Variants in NEK10 observed in about 807,000 individuals in gnomAD.
The protein encoded by NEK10 is serine/threonine-protein kinase Nek10.
In NEK10, 122 loss-of-function variants were observed where a neutral mutation model predicts 159.8. That is an observed-to-expected ratio of 0.76 (90% CI 0.66 to 0.89). The LOEUF (loss-of-function observed/expected upper bound fraction) is 0.89. Ranked by LOEUF, NEK10 falls within the 40% of genes least tolerant of loss-of-function variation. The probability of loss-of-function intolerance (pLI) is 0.00; values close to 1 mark genes in which losing one functional copy is unlikely to be tolerated. For missense variants in NEK10, 1,342 were observed against 1,323.1 expected (o/e 1.01, Z -0.22); for synonymous variants, 466 against 457.1 (o/e 1.02, Z -0.25).
intron 15 of NEK10, among the ~76,000 whole-genome samples, chr3:27,294,772 GA>G (rs960764326): frequency 8.0e-5 from 12 of 150,238 alleles, no homozygotes; most frequent in South Asian, 2.1e-4. Flanking sequence ...TGACTTGGGG[GA>G]AAAAAAAAGA....
intron 26 of NEK10, among the ~76,000 whole-genome samples, chr3:27,190,728 G>C (rs920648351): frequency 6.6e-6 from 1 of 152,130 alleles, no homozygotes; most frequent in Non-Finnish European, 1.5e-5. Context: ...AAGATATATA[G>C]AAATAGCTAA....
chr3:27,302,734 A>G (rs28620417), intron 12 of NEK10, among the ~76,000 whole-genome samples: 7,004 of 152,178 alleles, frequency 0.046, 287 homozygotes, highest in African/African-American at 0.11. Flanking sequence ...ACATGGATGG[A>G]GTTTCCTTGA....
chr3:27,123,997 T>C (rs148070472), intron 32 of NEK10, among the ~76,000 whole-genome samples: 27 of 152,182 alleles, frequency 1.8e-4, no homozygotes, highest in African/African-American at 6.3e-4. Context: ...ACTGAGTTCC[T>C]TGAAGGATTT....
In NEK10 at chr3:27,307,982, T is replaced by A. The variant is rs527268115; in HGVS notation, c.717-37A>T. The A allele has an allele frequency of 9.9e-6, 10 of 1,013,920 alleles. No individual in the cohort carries two copies. In the African/African-American group the frequency reaches 1.4e-4, roughly 14 times the overall value. 62.8% of individuals were successfully genotyped at this position (1,013,920 alleles called of 1,614,324 possible). A position where few individuals can be genotyped will look rare whatever the true frequency, so the allele number is the denominator to read the frequency against. ...AAAATATTAGCAATTACTAAAAGCATATTTTGCTAGATCCATGTATTAGTC... is the reference window on the plus strand; with the variant it reads ...AAAATATTAGCAATTACTAAAAGCAAATTTTGCTAGATCCATGTATTAGTC... On this transcript the variant is annotated intron_variant, in intron 10 of 35. Coordinates refer to ENST00000691995, the MANE Select transcript of NEK10 (RefSeq NM_001394966.1).
chr3:27,337,264 C>CA (rs1377557194), intron 5 of NEK10, among the ~76,000 whole-genome samples: 2 of 151,854 alleles, frequency 1.3e-5, no homozygotes, highest in Non-Finnish European at 2.9e-5. Flanking sequence ...ATAATGTGAC[C>CA]AACGAGGTAA....
intron 23 of NEK10, among the ~76,000 whole-genome samples, chr3:27,248,552 T>G (rs1955329521): frequency 6.6e-6 from 1 of 152,184 alleles, no homozygotes; most frequent in African/African-American, 2.4e-5. Context: ...TTTGGTATGT[T>G]GTGTTTCCAT....
intron 22 of NEK10, among the ~76,000 whole-genome samples, chr3:27,280,195 A>G (rs1166696636): frequency 6.6e-6 from 1 of 151,148 alleles, no homozygotes; most frequent in Non-Finnish European, 1.5e-5. Flanking sequence ...ACAACAGAGG[A>G]TGAGATATTC....
At chr3:27,150,605 A>T (rs1232489023) in intron 30 of NEK10, among the ~76,000 whole-genome samples, 2 of 152,202 alleles carry the variant, frequency 1.3e-5, no homozygotes, top group Non-Finnish European at 2.9e-5. Flanking sequence ...CAAAATATTG[A>T]TGTTCTTTGA....
chr3:27,132,964 C>G (rs1200083501), intron 31 of NEK10, among the ~76,000 whole-genome samples: 2 of 152,142 alleles, frequency 1.3e-5, no homozygotes, highest in African/African-American at 2.4e-5. Flanking sequence ...ATAATTATTA[C>G]CCCAACCCTG....
At chr3:27,331,262 A>AAAAAAAAAAAAACACAC in intron 5 of NEK10, among the ~76,000 whole-genome samples, 3 of 110,142 alleles carry the variant, frequency 2.7e-5, no homozygotes, top group African/African-American at 8.7e-5. Context: ...AAAAAAAAAA[A>AAAAAAAAAAAAACACAC]ACACACAAAC....
At chr3:27,238,197 T>C (rs573728970) in intron 23 of NEK10, among the ~76,000 whole-genome samples, 11 of 152,234 alleles carry the variant, frequency 7.2e-5, no homozygotes, top group African/African-American at 2.6e-4. Flanking sequence ...AAAAAGGAGA[T>C]TGGCTGAATG....
Position 27,116,058 on chromosome 3 carries a change from C to T in NEK10, c.3243+17G>A, listed in dbSNP as rs1039832213. The T allele has an allele frequency of 1.9e-6, 3 of 1,613,084 alleles. No individual in the cohort carries two copies. Among genetic ancestry groups the T allele is most frequent in the Admixed American group, 3.3e-5 (2 of 59,974 alleles). On this transcript the variant is annotated intron_variant, in intron 34 of 35. Coordinates refer to ENST00000691995, the MANE Select transcript of NEK10 (RefSeq NM_001394966.1). ...GTAACAAAATAAAATCATTCAGAGA[C>T]ACTGCAAAAACCTCACCTGCATCTG...
At chr3:27,130,764 G>A (rs1377236299) in intron 32 of NEK10, among the ~76,000 whole-genome samples, 1 of 152,138 alleles carries the variant, frequency 6.6e-6, no homozygotes, top group Non-Finnish European at 1.5e-5. Context: ...TTAAAAATGT[G>A]TTTATTATGA....
intron 32 of NEK10, among the ~76,000 whole-genome samples, chr3:27,122,965 A>G (rs543571999): frequency 6.6e-6 from 1 of 152,296 alleles, no homozygotes; most frequent in East Asian, 1.9e-4. Flanking sequence ...CGGCACACGG[A>G]TGAAGGCAAG....
intron 35 of NEK10, among the ~76,000 whole-genome samples, chr3:27,114,066 T>C (rs1299475117): frequency 6.6e-6 from 1 of 152,200 alleles, no homozygotes; most frequent in East Asian, 1.9e-4. Context: ...TAATTTATCA[T>C]ACAACCATGC....
intron 25 of NEK10, among the ~76,000 whole-genome samples, chr3:27,192,448 C>T (rs907685460): frequency 4.6e-5 from 7 of 152,122 alleles, no homozygotes; most frequent in Admixed American, 2.6e-4. Flanking sequence ...AAGGAGTCAG[C>T]GTTATTCTCT....
intron 13 of NEK10, among the ~76,000 whole-genome samples, chr3:27,299,078 C>A (rs1399199787): frequency 6.6e-6 from 1 of 152,168 alleles, no homozygotes; most frequent in Non-Finnish European, 1.5e-5. Flanking sequence ...CAAATGTTAA[C>A]CCCCAAAACA....
At chr3:27,300,876 T>C (rs1367269853) in intron 13 of NEK10, among the ~76,000 whole-genome samples, 1 of 152,208 alleles carries the variant, frequency 6.6e-6, no homozygotes, top group Non-Finnish European at 1.5e-5. Flanking sequence ...TCCTATGTCC[T>C]TGTTTTCACA....
intron 22 of NEK10, among the ~76,000 whole-genome samples, chr3:27,267,919 C>T (rs9823542): frequency 0.012 from 1,853 of 152,294 alleles, 20 homozygotes; most frequent in African/African-American, 0.024. Context: ...AATGGAAAAG[C>T]TCTGGAAGGA....
Sources: gnomAD v4.1 joint callset for allele counts (sites outside exome capture counted in the v4.1 genomes callset) on GRCh38, gnomAD v4.1.1 for gene constraint, MANE v1.5 for transcripts, NCBI Gene and HGNC (gene_info 2026-07-23, HGNC 2026-07-21) for gene names.